Variants in DSCAML1 observed in about 807,000 individuals in gnomAD.
DSCAML1 encodes cell adhesion molecule DSCAML1.
DSCAML1 carries 38 observed loss-of-function variants against 200.5 expected under a neutral mutation model. The ratio of observed to expected loss-of-function variants is 0.19; its 90% CI spans 0.15 to 0.25. The LOEUF is 0.25. Among genes scored for constraint, DSCAML1 ranks in the 10% least tolerant of loss-of-function variants. The pLI, the probability that DSCAML1 is intolerant of heterozygous loss-of-function variation, is 1.00. For synonymous variants in DSCAML1, 1,215 were observed against 1,165.0 expected (o/e 1.04, Z -0.87); for missense variants, 2,223 against 2,858.8 (o/e 0.78, Z 5.07).
At chr11:117,541,649 G>A (rs1019786266) in intron 3 of DSCAML1, among the ~76,000 whole-genome samples, 1 of 152,190 alleles carries the variant, frequency 6.6e-6, no homozygotes. Context: ...TGGATGGTTT[G>A]GAGCTAACAG....
rs59327038 is a variant in DSCAML1, at chr11:117,638,315, A to AGTGTGTGTGT, written c.512-105803_512-105794dup. On this transcript the variant is annotated intron_variant, in intron 3 of 32. Coordinates refer to ENST00000651296, the MANE Select transcript of DSCAML1 (RefSeq NM_020693.4). ...CATCCTAGTTCCACACAAGATAGCA[A>AGTGTGTGTGT]GTGTGTGTGTGTGTGTGTGTGTGTG... Among the ~76,000 whole-genome samples the AGTGTGTGTGT allele has an allele frequency of 6.5e-3, 874 of 135,200 alleles. 7 individuals carry two copies. Among genetic ancestry groups the AGTGTGTGTGT allele is most frequent in the South Asian group, 0.012 (44 of 3,586 alleles). 88.7% of individuals were successfully genotyped at this position (135,200 alleles called of 152,430 possible). A position where few individuals can be genotyped will look rare whatever the true frequency, so the allele number is the denominator to read the frequency against.
intron 3 of DSCAML1, among the ~76,000 whole-genome samples, chr11:117,702,277 C>G (rs2053684259): frequency 1.3e-5 from 2 of 152,182 alleles, no homozygotes; most frequent in Admixed American, 6.5e-5. Flanking sequence ...TGGCTGGCCT[C>G]TGTCCTCCTT....
chr11:117,776,143 C>A (rs1025910330), intron 3 of DSCAML1, among the ~76,000 whole-genome samples: 1 of 152,132 alleles, frequency 6.6e-6, no homozygotes, highest in Non-Finnish European at 1.5e-5. Context: ...GCTGACACAA[C>A]CCCAGAGAGG....
At chr11:117,628,393 C>T (rs1267016784) in intron 3 of DSCAML1, among the ~76,000 whole-genome samples, 2 of 152,216 alleles carry the variant, frequency 1.3e-5, no homozygotes, top group African/African-American at 4.8e-5. Flanking sequence ...GGCCACAGGC[C>T]ACTCTACCTT....
chr11:117,796,883 G>T, intron 1 of DSCAML1, 151 bp downstream of exon 1: 1 of 463,374 alleles, frequency 2.2e-6, no homozygotes, highest in Non-Finnish European at 3.4e-6. Flanking sequence ...CTGTCAGGGT[G>T]CCTGCCCCTC....
At chr11:117,536,724 CTTGA>C (rs374051828) in intron 3 of DSCAML1, among the ~76,000 whole-genome samples, 40 of 152,246 alleles carry the variant, frequency 2.6e-4, no homozygotes, top group African/African-American at 8.4e-4. Context: ...CTTGACATTG[CTTGA>C]TTGATTGACA....
At position 117,592,420 on chromosome 11, in the gene DSCAML1, T is replaced by C. The variant is rs1190735511; in HGVS notation, c.512-59898A>G. On this transcript the variant is annotated intron_variant, in intron 3 of 32. Transcript: ENST00000651296. The stretch of plus-strand genomic sequence containing the variant: ...GTGTGTGTGTGTATGTGTGCATGCA[T>C]GTCCAGGCTCTTCCATTTGCCTGGA... Among the ~76,000 whole-genome samples the C allele has an allele frequency of 1.3e-5, 2 of 152,132 alleles. 1 individual carries two copies. The highest frequency in any genetic ancestry group is 4.8e-5 in the African/African-American group (2 of 41,430).
At chr11:117,527,540 G>T (rs995438838) in intron 4 of DSCAML1, among the ~76,000 whole-genome samples, 1 of 152,234 alleles carries the variant, frequency 6.6e-6, no homozygotes, top group Non-Finnish European at 1.5e-5. Context: ...GTATAGACTT[G>T]TGGAATTATA....
chr11:117,730,196 TA>T (rs1428492415), intron 3 of DSCAML1, among the ~76,000 whole-genome samples: 1 of 150,740 alleles, frequency 6.6e-6, no homozygotes, highest in African/African-American at 2.4e-5. Context: ...AGATTCCATC[TA>T]AAAAAAAAGA....
intron 3 of DSCAML1, among the ~76,000 whole-genome samples, chr11:117,564,471 G>A (rs1048946119): frequency 1.3e-5 from 2 of 152,146 alleles, no homozygotes; most frequent in Admixed American, 6.5e-5. Flanking sequence ...TGCAGGTCCC[G>A]GCGATTCTCC....
chr11:117,530,975 G>C (rs754605722), intron 4 of DSCAML1, among the ~76,000 whole-genome samples: 1 of 152,194 alleles, frequency 6.6e-6, no homozygotes, highest in Non-Finnish European at 1.5e-5. Context: ...AATCCATTTG[G>C]TGAGTTGTGG....
chr11:117,707,496 C>A (rs1033243481), intron 3 of DSCAML1, among the ~76,000 whole-genome samples: 8 of 152,158 alleles, frequency 5.3e-5, no homozygotes, highest in Admixed American at 5.2e-4. Context: ...CTGCTGGAGG[C>A]AGACCCCTGC....
intron 1 of DSCAML1, among the ~76,000 whole-genome samples, chr11:117,809,538 T>C (rs2055738434): frequency 6.6e-6 from 1 of 152,128 alleles, no homozygotes; most frequent in Non-Finnish European, 1.5e-5. Context: ...CAGTACAACA[T>C]AGACGGCGGC....
At chr11:117,470,126 T>G (rs2048655874) in intron 15 of DSCAML1, 146 bp from the exon 16 acceptor site, 1 of 577,814 alleles carries the variant, frequency 1.7e-6, no homozygotes, top group South Asian at 5.1e-5. Flanking sequence ...AACTTTTGTT[T>G]GAGTTCCCCT....
chr11:117,748,468 T>C (rs1047130307), intron 3 of DSCAML1, among the ~76,000 whole-genome samples: 1 of 152,194 alleles, frequency 6.6e-6, no homozygotes, highest in East Asian at 1.9e-4. Flanking sequence ...CCCCACATCT[T>C]CCCACCTTCA....
chr11:117,596,809 G>T (rs2137498747), intron 3 of DSCAML1, among the ~76,000 whole-genome samples: 1 of 152,314 alleles, frequency 6.6e-6, no homozygotes, highest in South Asian at 2.1e-4. Flanking sequence ...CCTTTTAATT[G>T]TTTTCATTGT....
intron 3 of DSCAML1, among the ~76,000 whole-genome samples, chr11:117,771,917 A>G (rs2055045925): frequency 6.6e-6 from 1 of 152,070 alleles, no homozygotes; most frequent in African/African-American, 2.4e-5. Flanking sequence ...TGACAGTCCT[A>G]TGCTGGTTCT....
chr11:117,671,786 T>G (rs2053112549), intron 3 of DSCAML1, among the ~76,000 whole-genome samples: 1 of 152,118 alleles, frequency 6.6e-6, no homozygotes, highest in South Asian at 2.1e-4. Context: ...AGAAGGAGAC[T>G]TTATCTCATA....
intron 3 of DSCAML1, among the ~76,000 whole-genome samples, chr11:117,553,276 T>C (rs948239079): frequency 1.3e-5 from 2 of 152,024 alleles, no homozygotes; most frequent in Non-Finnish European, 2.9e-5. Context: ...AAGAAAACAA[T>C]AGATAAATTG....
Sources: gnomAD v4.1 joint callset for allele counts (sites outside exome capture counted in the v4.1 genomes callset) on GRCh38, gnomAD v4.1.1 for gene constraint, MANE v1.5 for transcripts, NCBI Gene and HGNC (gene_info 2026-07-23, HGNC 2026-07-21) for gene names.